BAIAP2L1: variants seen among roughly 807,000 people sequenced by gnomAD.
BAIAP2L1 encodes BAR/IMD domain containing adaptor protein 2 like 1, also known as BAR/IMD domain-containing adapter protein 2-like 1.
Under a neutral mutation model 66.3 loss-of-function variants are expected in BAIAP2L1, and 35 were observed. That is an observed-to-expected ratio of 0.53 (90% CI 0.40 to 0.70). BAIAP2L1 has a LOEUF of 0.70. Ranked by LOEUF, BAIAP2L1 falls within the 30% of genes least tolerant of loss-of-function variation. The pLI is 0.00. For synonymous variants in BAIAP2L1, 269 were observed against 248.7 expected (o/e 1.08, Z -0.77); for missense variants, 622 against 656.9 (o/e 0.95, Z 0.58).
intron 12 of BAIAP2L1, among the ~76,000 whole-genome samples, chr7:98,295,748 C>T (rs2116786548): frequency 6.6e-6 from 1 of 152,278 alleles, no homozygotes; most frequent in South Asian, 2.1e-4. Flanking sequence ...AAACCAGAAA[C>T]ACCCTCCACC....
chr7:98,348,646 T>C (rs746663838), intron 3 of BAIAP2L1, among the ~76,000 whole-genome samples: 1 of 152,044 alleles, frequency 6.6e-6, no homozygotes, highest in Non-Finnish European at 1.5e-5. Context: ...GAGAAGAATG[T>C]CAATGAAGAA....
chr7:98,312,757 A>G (rs1800918455), intron 7 of BAIAP2L1, among the ~76,000 whole-genome samples: 1 of 51,598 alleles, frequency 1.9e-5, no homozygotes, highest in South Asian at 4.4e-4. Flanking sequence ...GGGAAGAGGG[A>G]CTGGGTGAGT....
intron 3 of BAIAP2L1, among the ~76,000 whole-genome samples, chr7:98,331,182 C>A (rs959804709): frequency 1.3e-5 from 2 of 152,054 alleles, no homozygotes; most frequent in African/African-American, 4.8e-5. Flanking sequence ...ACTTCCGAAA[C>A]TGAAATGCAA....
rs1799971665 is a variant in BAIAP2L1 at position 98,291,873 on chromosome 7, G to A, written c.*1648C>T. On this transcript the variant is annotated 3_prime_UTR_variant, in exon 14 of 14. Transcript: ENST00000005260. Reference sequence around the variant, plus strand: ...CCCAAGGCAGAACGCCAAAGGCCAGGTGTCACCCACACCCCAGCAGTTCCC... The same window carrying A: ...CCCAAGGCAGAACGCCAAAGGCCAGATGTCACCCACACCCCAGCAGTTCCC... The A allele has an allele frequency of 6.5e-6, 1 of 153,054 alleles. No individual in the cohort carries two copies. The highest frequency in any genetic ancestry group is 2.4e-5 in the African/African-American group (1 of 41,446). 9.5% of individuals were successfully genotyped at this position (153,054 alleles called of 1,614,324 possible). A position where few individuals can be genotyped will look rare whatever the true frequency, so the allele number is the denominator to read the frequency against.
At chr7:98,350,787 T>G (rs1221188361) in intron 3 of BAIAP2L1, among the ~76,000 whole-genome samples, 3 of 152,022 alleles carry the variant, frequency 2.0e-5, no homozygotes, top group Admixed American at 6.5e-5. Flanking sequence ...AGAAACAGAC[T>G]GGAAAGGATG....
chr7:98,386,392 G>A (rs943474872), intron 1 of BAIAP2L1: 17 of 1,591,304 alleles, frequency 1.1e-5, no homozygotes, highest in Middle Eastern at 4.3e-4. Flanking sequence ...TCAAACACAC[G>A]ACCCTTGAGA....
At chr7:98,388,111 C>T (rs1451409269) in intron 1 of BAIAP2L1, among the ~76,000 whole-genome samples, 1 of 152,142 alleles carries the variant, frequency 6.6e-6, no homozygotes, top group Non-Finnish European at 1.5e-5. Context: ...GCTATGCCTA[C>T]TAACAGTTAG....
At position 98,378,676 on chromosome 7, in the gene BAIAP2L1, C is replaced by T. The variant is rs1429906929; in HGVS notation, c.52-16244G>A. 2.6e-5 allele frequency among the ~76,000 whole-genome samples: 4 copies of T among 152,114 alleles called. No homozygotes were observed. In the East Asian group the frequency reaches 5.8e-4, roughly 22 times the overall value. On this transcript the variant is annotated intron_variant, in intron 1 of 13. Coordinates refer to ENST00000005260, the MANE Select transcript of BAIAP2L1 (RefSeq NM_018842.5). ...TTTTAGACTAAGTCTTGCTCTGTCGCGCAGCCTGGAGTACAGTGGCATGAC... is the reference window on the plus strand; with the variant it reads ...TTTTAGACTAAGTCTTGCTCTGTCGTGCAGCCTGGAGTACAGTGGCATGAC...
intron 1 of BAIAP2L1, among the ~76,000 whole-genome samples, chr7:98,369,231 C>G (rs918473044): frequency 5.3e-5 from 8 of 152,034 alleles, no homozygotes; most frequent in African/African-American, 1.7e-4. Flanking sequence ...CCTGTAATCC[C>G]AAGCACTTTG....
intron 7 of BAIAP2L1, among the ~76,000 whole-genome samples, chr7:98,312,578 G>A (rs1800911986): frequency 6.6e-6 from 1 of 152,198 alleles, no homozygotes; most frequent in African/African-American, 2.4e-5. Context: ...GGAGCAATCT[G>A]TATGAATCCC....
chr7:98,374,203 C>T (rs181284872), intron 1 of BAIAP2L1, among the ~76,000 whole-genome samples: 20 of 152,300 alleles, frequency 1.3e-4, no homozygotes, highest in African/African-American at 4.6e-4. Context: ...CCTACCTCAG[C>T]CTCCCAAAGT....
At chr7:98,393,082 C>A (rs1174042333) in intron 1 of BAIAP2L1, among the ~76,000 whole-genome samples, 1 of 108,932 alleles carries the variant, frequency 9.2e-6, no homozygotes, top group Non-Finnish European at 1.8e-5. Context: ...TATACACACA[C>A]ATATATACAT....
intron 3 of BAIAP2L1, 113 bp downstream of exon 3, chr7:98,354,929 C>A: frequency 5.1e-6 from 4 of 783,884 alleles, no homozygotes; most frequent in South Asian, 3.1e-5. Flanking sequence ...AGTAGAACCA[C>A]AGCATGCTGG....
At chr7:98,330,446 T>G (rs1584461585) in intron 3 of BAIAP2L1, among the ~76,000 whole-genome samples, 1 of 151,768 alleles carries the variant, frequency 6.6e-6, no homozygotes. Flanking sequence ...TCATCTGAGG[T>G]CAGGAGTTCT....
Position 98,357,395 on chromosome 7 carries a change from C to T in BAIAP2L1, c.128-2267G>A, listed in dbSNP as rs542410336. Among the ~76,000 whole-genome samples, 13 of 150,834 alleles carry T rather than the reference C, an allele frequency of 8.6e-5. 1 individual carries two copies. The South Asian group carries it at 2.1e-3, about 24-fold the overall frequency. The stretch of plus-strand genomic sequence containing the variant: ...CGTCCTGGCCAACATGGTGAAATCC[C>T]GTCTCCACTAAAAATACAAAAATTA... On this transcript the variant is annotated intron_variant, in intron 2 of 13. Coordinates refer to ENST00000005260, the MANE Select transcript of BAIAP2L1 (RefSeq NM_018842.5).
At position 98,393,175 on chromosome 7, in the gene BAIAP2L1, A is replaced by ACACACATATGTG. The variant is rs1554341929; in HGVS notation, c.51+7626_51+7627insCACATATGTGTG. 4.6e-4 allele frequency among the ~76,000 whole-genome samples: 63 copies of ACACACATATGTG among 138,124 alleles called. 1 individual carries two copies. The highest frequency in any genetic ancestry group is 1.9e-3 in the East Asian group (9 of 4,826). 90.6% of individuals were successfully genotyped at this position (138,124 alleles called of 152,430 possible). A position where few individuals can be genotyped will look rare whatever the true frequency, so the allele number is the denominator to read the frequency against. On this transcript the variant is annotated intron_variant, in intron 1 of 13. Coordinates refer to ENST00000005260, the MANE Select transcript of BAIAP2L1 (RefSeq NM_018842.5). ...TATATGTACACATATATGTATATAT[A>ACACACATATGTG]TACATATATGTGTGTGTTTATATAT... is the stretch of plus-strand genomic sequence containing the variant.
At chr7:98,331,465 CTTTTT>C (rs34202570) in intron 3 of BAIAP2L1, among the ~76,000 whole-genome samples, 4 of 115,676 alleles carry the variant, frequency 3.5e-5, no homozygotes, top group Non-Finnish European at 5.0e-5. Context: ...AAAGAAAAAT[CTTTTT>C]TTTTTTTTTT....
rs577018199 is a variant in BAIAP2L1, at chr7:98,307,231, G to A, written c.1163+458C>T. ...AGGTTCAATCCTGCCTCAGCCTCCC[G>A]AGTAGCTGGGATTACAGGCGCCTGC... On this transcript the variant is annotated intron_variant, in intron 10 of 13. Coordinates refer to ENST00000005260, the MANE Select transcript of BAIAP2L1 (RefSeq NM_018842.5). 7 of 240,144 alleles carry A rather than the reference G, an allele frequency of 2.9e-5. No homozygotes were observed. The East Asian group carries it at 6.7e-4, about 23-fold the overall frequency. 14.9% of individuals were successfully genotyped at this position (240,144 alleles called of 1,614,324 possible).
chr7:98,307,509 G>A, intron 10 of BAIAP2L1, 180 bp downstream of exon 10: 1 of 1,443,814 alleles, frequency 6.9e-7, no homozygotes, highest in Non-Finnish European at 9.1e-7. Flanking sequence ...ATCTCTACAT[G>A]CACAGACATA....
Sources: gnomAD v4.1 joint callset for allele counts (sites outside exome capture counted in the v4.1 genomes callset) on GRCh38, gnomAD v4.1.1 for gene constraint, MANE v1.5 for transcripts, NCBI Gene and HGNC (gene_info 2026-07-23, HGNC 2026-07-21) for gene names.